The following ZDHHC14 variants were observed in gnomAD, a reference collection of about 807,000 sequenced individuals.
ZDHHC14 encodes the protein zDHHC palmitoyltransferase 14, also known as palmitoyltransferase ZDHHC14.
In ZDHHC14, 16 loss-of-function variants were observed where a neutral mutation model predicts 47.7. That is an observed-to-expected ratio of 0.34 (90% CI 0.23 to 0.51). ZDHHC14 has a LOEUF of 0.51. Among genes scored for constraint, ZDHHC14 ranks in the 20% least tolerant of loss-of-function variants. ZDHHC14 has a pLI of 0.97. For synonymous variants in ZDHHC14, 293 were observed against 278.9 expected, an observed-to-expected ratio of 1.05 and a Z score of -0.50; for missense variants, 515 against 662.5, an observed-to-expected ratio of 0.78 and a Z score of 2.44.
intron 3 of ZDHHC14, among the ~76,000 whole-genome samples, chr6:157,625,264 G>C (rs756928270): frequency 6.6e-6 from 1 of 152,116 alleles, no homozygotes; most frequent in African/African-American, 2.4e-5. Flanking sequence ...TGAGAGAAAG[G>C]GCGGGGTCAG....
Position 157,626,512 on chromosome 6 carries a change from AT to A in ZDHHC14, c.566-1829del, listed in dbSNP as rs567332662. On this transcript the variant is annotated intron_variant, in intron 3 of 8. Transcript: ENST00000359775. ...TTCGTTGTCAATATTTAAACACTTAATTTTTTTTAGAGCTGTTTTAGGTTCA... is the reference window on the plus strand; with the variant it reads ...TTCGTTGTCAATATTTAAACACTTAATTTTTTTAGAGCTGTTTTAGGTTCA... Among the ~76,000 whole-genome samples the A allele has an allele frequency of 6.4e-4, 97 of 151,956 alleles. No homozygotes were observed. In the South Asian group the frequency reaches 0.017, roughly 27 times the overall value.
Position 157,419,125 on chromosome 6 carries a change from C to T in ZDHHC14, c.245+36859C>T, listed in dbSNP as rs550013650. On this transcript the variant is annotated intron_variant, in intron 1 of 8. Transcript: ENST00000359775. ...AGGGACTGTGGGATCCCCATGTCGG[C>T]GGAAATGAGTTTTCATTTCCTGCTG... Among the ~76,000 whole-genome samples, 17 of 152,232 alleles carry T rather than the reference C, an allele frequency of 1.1e-4. No individual in the cohort carries two copies. In the South Asian group the frequency reaches 1.5e-3, roughly 13 times the overall value.
intron 1 of ZDHHC14, among the ~76,000 whole-genome samples, chr6:157,468,854 T>C (rs1779285861): frequency 3.9e-5 from 6 of 152,144 alleles, no homozygotes. Context: ...ATTTAATGGG[T>C]GAAAAATTTG....
intron 1 of ZDHHC14, among the ~76,000 whole-genome samples, chr6:157,425,703 A>G (rs1007552274): frequency 6.6e-6 from 1 of 152,156 alleles, no homozygotes; most frequent in Non-Finnish European, 1.5e-5. Context: ...CTGAAGTAGA[A>G]ACTAAAATTC....
chr6:157,624,609 T>A (rs1785328967), intron 3 of ZDHHC14, among the ~76,000 whole-genome samples: 1 of 152,174 alleles, frequency 6.6e-6, no homozygotes, highest in African/African-American at 2.4e-5. Flanking sequence ...AAAGGCAGTG[T>A]AGCATTTAAT....
intron 1 of ZDHHC14, among the ~76,000 whole-genome samples, chr6:157,491,562 G>A (rs1779916455): frequency 6.7e-6 from 1 of 150,270 alleles, no homozygotes; most frequent in African/African-American, 2.5e-5. Context: ...GATTATATCG[G>A]TTTCTTCTTC....
chr6:157,590,091 G>A (rs775115745), intron 2 of ZDHHC14, among the ~76,000 whole-genome samples: 7 of 152,244 alleles, frequency 4.6e-5, no homozygotes, highest in Middle Eastern at 3.4e-3. Flanking sequence ...GATGATTTAC[G>A]GTACTGGTGG....
intron 3 of ZDHHC14, among the ~76,000 whole-genome samples, chr6:157,621,315 A>G (rs1166600528): frequency 6.6e-6 from 1 of 152,212 alleles, no homozygotes; most frequent in Non-Finnish European, 1.5e-5. Context: ...TATACCTCAT[A>G]GGGCAAAATT....
intron 4 of ZDHHC14, 30 bp from the exon 5 acceptor site, chr6:157,632,804 G>A (rs1562519507): frequency 6.2e-7 from 1 of 1,612,456 alleles, no homozygotes; most frequent in Non-Finnish European, 8.5e-7. Flanking sequence ...GTTTCTATCT[G>A]AATACTAAAT....
chr6:157,420,741 C>G (rs182375363), intron 1 of ZDHHC14, among the ~76,000 whole-genome samples: 1 of 152,188 alleles, frequency 6.6e-6, no homozygotes, highest in Non-Finnish European at 1.5e-5. Flanking sequence ...CTAGTAGGAG[C>G]GAATGACTCA....
intron 1 of ZDHHC14, among the ~76,000 whole-genome samples, chr6:157,430,005 TG>T (rs547176146): frequency 8.3e-4 from 126 of 152,334 alleles, no homozygotes; most frequent in African/African-American, 2.9e-3. Flanking sequence ...TAACACGATG[TG>T]TTTGCTATTG....
intron 1 of ZDHHC14, among the ~76,000 whole-genome samples, chr6:157,481,720 G>A (rs946399501): frequency 2.0e-5 from 3 of 152,142 alleles, no homozygotes; most frequent in African/African-American, 7.2e-5. Flanking sequence ...CCCCAGTTGG[G>A]AATGAGTGAA....
At chr6:157,459,401 G>A (rs1167774530) in intron 1 of ZDHHC14, among the ~76,000 whole-genome samples, 1 of 152,186 alleles carries the variant, frequency 6.6e-6, no homozygotes, top group Non-Finnish European at 1.5e-5. Context: ...CAAACGTCTT[G>A]TTTCTGTGGT....
At chr6:157,564,312 C>G (rs746705730) in intron 2 of ZDHHC14, among the ~76,000 whole-genome samples, 35 of 152,280 alleles carry the variant, frequency 2.3e-4, no homozygotes, top group Non-Finnish European at 4.0e-4. Context: ...GTCAACCACA[C>G]CAGGAACCTG....
At chr6:157,638,757 C>G (rs1279885234) in intron 5 of ZDHHC14, among the ~76,000 whole-genome samples, 1 of 152,226 alleles carries the variant, frequency 6.6e-6, no homozygotes, top group Non-Finnish European at 1.5e-5. Flanking sequence ...ACTCCTTATG[C>G]AGAATAAGGG....
intron 8 of ZDHHC14, among the ~76,000 whole-genome samples, chr6:157,655,350 C>T (rs1412631700): frequency 6.6e-6 from 1 of 152,156 alleles, no homozygotes; most frequent in Non-Finnish European, 1.5e-5. Flanking sequence ...ATTGATCATC[C>T]ATCTACCCAA....
chr6:157,592,597 G>C (rs1783951915), intron 2 of ZDHHC14, among the ~76,000 whole-genome samples: 1 of 152,220 alleles, frequency 6.6e-6, no homozygotes, highest in Non-Finnish European at 1.5e-5. Flanking sequence ...GGCGGGAAGA[G>C]GTCAGGGTGG....
chr6:157,467,355 C>T (rs374730474), intron 1 of ZDHHC14, among the ~76,000 whole-genome samples: 3 of 152,112 alleles, frequency 2.0e-5, no homozygotes, highest in Admixed American at 6.5e-5. Context: ...GCCTAGGCAA[C>T]CACTAATCTA....
intron 1 of ZDHHC14, among the ~76,000 whole-genome samples, chr6:157,420,890 G>A (rs780234180): frequency 2.0e-5 from 3 of 152,134 alleles, no homozygotes; most frequent in South Asian, 2.1e-4. Context: ...AGCCCTGTGC[G>A]GTAGGCCTCA....
Sources: allele counts gnomAD v4.1 joint callset (sites outside exome capture counted in the v4.1 genomes callset), GRCh38; gene constraint gnomAD v4.1.1; transcripts MANE v1.5; gene names NCBI Gene and HGNC (gene_info 2026-07-23, HGNC 2026-07-21).